Variants in PRAG1 observed in about 807,000 individuals in gnomAD.
PRAG1 encodes PEAK1 related, kinase-activating pseudokinase 1.
Under a neutral mutation model 95.6 loss-of-function variants are expected in PRAG1, and 110 were observed. The ratio of observed to expected loss-of-function variants is 1.15; its 90% confidence interval spans 0.99 to 1.35. PRAG1 has a LOEUF of 1.35. PRAG1 is among the 40% of genes most tolerant of loss of function. The pLI, the probability that PRAG1 is intolerant of heterozygous loss-of-function variation, is 0.00. For missense variants in PRAG1, 2,554 were observed against 1,864.7 expected (o/e 1.37, Z -6.81); for synonymous variants, 1,052 against 819.4 (o/e 1.28, Z -4.85).
In PRAG1 at chr8:8,377,831, G is replaced by T. The variant is rs185901694; in HGVS notation, c.578C>A (p.Pro193His). 3.1e-6 allele frequency: 5 copies of T among 1,614,006 alleles called. No individual in the cohort carries two copies. In the African/African-American group the frequency reaches 5.3e-5, roughly 17 times the overall value. Residue 193 changes from proline (P) to histidine (H), a missense_variant, in exon 3 of 6, where the codon CCC becomes CAC. Pro to His is a moderately conservative substitution (Grantham distance 77). Coordinates refer to ENST00000615670, the MANE Select transcript of PRAG1 (RefSeq NM_001080826.3). ...PEEKAVHKEK[P>H]SFPYQDRPST... Reference sequence around the variant, plus strand: ...GGGCCGGTCTTGGTAAGGAAATGAGGGTTTTTCTTTGTGCACAGCCTTCTC... The same window carrying T: ...GGGCCGGTCTTGGTAAGGAAATGAGTGTTTTTCTTTGTGCACAGCCTTCTC...
intron 3 of PRAG1, among the ~76,000 whole-genome samples, chr8:8,360,354 T>C (rs1323802800): frequency 6.6e-6 from 1 of 152,192 alleles, no homozygotes; most frequent in African/African-American, 2.4e-5. Context: ...CACTTACTTT[T>C]ACCTTCTCCT....
intron 3 of PRAG1, among the ~76,000 whole-genome samples, chr8:8,355,553 G>T (rs1207842733): frequency 6.6e-6 from 1 of 152,134 alleles, no homozygotes; most frequent in African/African-American, 2.4e-5. Flanking sequence ...AATCAGAAAA[G>T]AATATGGTAG....
intron 5 of PRAG1, among the ~76,000 whole-genome samples, chr8:8,321,675 G>A (rs1473944187): frequency 6.6e-6 from 1 of 152,200 alleles, no homozygotes; most frequent in African/African-American, 2.4e-5. Flanking sequence ...GGGGCTTCCA[G>A]AAGTTAAATT....
At chr8:8,338,325 A>C (rs1157734402) in intron 4 of PRAG1, among the ~76,000 whole-genome samples, 2 of 152,214 alleles carry the variant, frequency 1.3e-5, no homozygotes. Flanking sequence ...AGTTCGCCTG[A>C]CACCCGCTGG....
rs1316316347 is a variant in PRAG1 at position 8,359,666 on chromosome 8, C to T, written c.2162+16581G>A. On this transcript the variant is annotated intron_variant, in intron 3 of 5. Coordinates refer to ENST00000615670, the MANE Select transcript of PRAG1 (RefSeq NM_001080826.3). The stretch of plus-strand genomic sequence containing the variant: ...CCCTATTCTTCCTTATAAAGGAATA[C>T]GGTATTGCTTTCTCCTTACTACCTC... Among the ~76,000 whole-genome samples the T allele has an allele frequency of 5.3e-5, 8 of 152,250 alleles. No individual in the cohort carries two copies. The South Asian group carries it at 6.2e-4, about 12-fold the overall frequency.
intron 4 of PRAG1, among the ~76,000 whole-genome samples, chr8:8,335,796 T>G (rs932079090): frequency 3.3e-5 from 5 of 152,204 alleles, no homozygotes; most frequent in Admixed American, 6.5e-5. Context: ...ATCTTTCTTA[T>G]TGTCTATCTC....
intron 4 of PRAG1, among the ~76,000 whole-genome samples, chr8:8,336,894 T>TCCCCCCC (rs1799001062): frequency 3.0e-5 from 1 of 33,244 alleles, no homozygotes; most frequent in African/African-American, 1.4e-4. Context: ...CCCACTCCCC[T>TCCCCCCC]CCCCACACCC....
chr8:8,347,693 A>C (rs1284019680), intron 3 of PRAG1, among the ~76,000 whole-genome samples: 1 of 152,210 alleles, frequency 6.6e-6, no homozygotes, highest in Non-Finnish European at 1.5e-5. Context: ...CTCTGTGCCA[A>C]GCGCTGTTAG....
At chr8:8,343,097 G>A (rs1221307572) in intron 3 of PRAG1, among the ~76,000 whole-genome samples, 1 of 152,016 alleles carries the variant, frequency 6.6e-6, no homozygotes, top group Non-Finnish European at 1.5e-5. Context: ...AAATGGAAAT[G>A]AACAGGCAAC....
intron 3 of PRAG1, among the ~76,000 whole-genome samples, chr8:8,358,238 G>A (rs989258645): frequency 6.6e-6 from 1 of 152,194 alleles, no homozygotes; most frequent in Non-Finnish European, 1.5e-5. Flanking sequence ...TACAGAAGAA[G>A]AGAAGCATGG....
At chr8:8,341,144 C>T (rs1799149051) in intron 3 of PRAG1, among the ~76,000 whole-genome samples, 1 of 152,178 alleles carries the variant, frequency 6.6e-6, no homozygotes, top group Non-Finnish European at 1.5e-5. Flanking sequence ...TTGCCCCTTC[C>T]AAAGTGGTTT....
chr8:8,341,654 T>C (rs892237832), intron 3 of PRAG1, among the ~76,000 whole-genome samples: 1 of 152,252 alleles, frequency 6.6e-6, no homozygotes, highest in African/African-American at 2.4e-5. Flanking sequence ...GTTATGTTAA[T>C]AGCTTTTCTT....
At chr8:8,344,042 T>C (rs1011218391) in intron 3 of PRAG1, among the ~76,000 whole-genome samples, 2 of 152,162 alleles carry the variant, frequency 1.3e-5, no homozygotes, top group Non-Finnish European at 2.9e-5. Flanking sequence ...ATATTCCATA[T>C]GTTTTTTTCA....
intron 3 of PRAG1, among the ~76,000 whole-genome samples, chr8:8,372,059 C>T (rs1489141568): frequency 6.6e-6 from 1 of 152,222 alleles, no homozygotes; most frequent in African/African-American, 2.4e-5. Context: ...TGGTGAAACG[C>T]TTATCTGCAC....
At chr8:8,375,606 T>C (rs539437424) in intron 3 of PRAG1, among the ~76,000 whole-genome samples, 1 of 152,196 alleles carries the variant, frequency 6.6e-6, no homozygotes, top group Non-Finnish European at 1.5e-5. Context: ...GGTAACAGTT[T>C]ATTGAGCACG....
At chr8:8,351,671 G>C (rs1028453350) in intron 3 of PRAG1, among the ~76,000 whole-genome samples, 3 of 152,152 alleles carry the variant, frequency 2.0e-5, no homozygotes, top group Non-Finnish European at 4.4e-5. Flanking sequence ...CCCAGATCCA[G>C]GAGGTGACAT....
At chr8:8,371,939 G>A (rs1356425345) in intron 3 of PRAG1, among the ~76,000 whole-genome samples, 2 of 152,078 alleles carry the variant, frequency 1.3e-5, no homozygotes, top group Admixed American at 6.5e-5. Context: ...GTCTCACCTA[G>A]GGCCAGACCA....
In PRAG1 at chr8:8,377,847, C is replaced by G; in HGVS notation, c.562G>C (p.Val188Leu). The G allele has an allele frequency of 6.2e-7, 1 of 1,614,142 alleles. No individual in the cohort carries two copies. Among genetic ancestry groups the G allele is most frequent in the Non-Finnish European group, 8.5e-7 (1 of 1,180,034 alleles). ...HPVSFPEEKA[V>L]HKEKPSFPYQ... ...GGAAATGAGGGTTTTTCTTTGTGCA[C>G]AGCCTTCTCCTCCGGGAAGCTCACC... Residue 188 changes from valine (V) to leucine (L), a missense_variant, in exon 3 of 6, where the codon GTG (valine) becomes CTG (leucine). Coordinates refer to ENST00000615670, the MANE Select transcript of PRAG1 (RefSeq NM_001080826.3).
Position 8,377,553 on chromosome 8 carries a change from G to C in PRAG1, c.856C>G (p.Pro286Ala). The C allele has an allele frequency of 1.2e-6, 2 of 1,604,610 alleles. No individual in the cohort carries two copies. The highest frequency in any genetic ancestry group is 2.2e-5 in the South Asian group (2 of 89,878). ...RGRHGGRDCS[P>A]TCWEQGKCSG... ...CACTTCCCCTGCTCCCAGCACGTGG[G>C]TGAGCAGTCCCTGCCACCATGCCTG... The change falls in exon 3 of 6, where the codon CCC becomes GCC. Residue 286 changes from proline to alanine, a missense_variant. Transcript: ENST00000615670.
Sources: allele counts gnomAD v4.1 joint callset (sites outside exome capture counted in the v4.1 genomes callset), GRCh38; gene constraint gnomAD v4.1.1; transcripts MANE v1.5; gene names NCBI Gene and HGNC (gene_info 2026-07-23, HGNC 2026-07-21).